Variants in SDHA observed in about 807,000 individuals in gnomAD.
SDHA encodes succinate dehydrogenase [ubiquinone] flavoprotein subunit, mitochondrial.
In SDHA, 48 loss-of-function variants were observed where a neutral mutation model predicts 78.4. The ratio of observed to expected loss-of-function variants is 0.61; its 90% CI spans 0.49 to 0.78. The LOEUF is 0.78. Among genes scored for constraint, SDHA ranks in the 30% least tolerant of loss-of-function variants. The pLI is 0.00. For missense variants in SDHA, 680 were observed against 892.7 expected, an observed-to-expected ratio of 0.76 and a Z score of 3.04; for synonymous variants, 326 against 353.9, an observed-to-expected ratio of 0.92 and a Z score of 0.88.
At chr5:239,384 C>T (rs930015521) in intron 10 of SDHA, among the ~76,000 whole-genome samples, 12 of 151,990 alleles carry the variant, frequency 7.9e-5, no homozygotes, top group African/African-American at 2.9e-4. Flanking sequence ...ATGGTGAAAC[C>T]CATTTCTACT....
chr5:255,375 A>G (rs1479484467), intron 14 of SDHA, among the ~76,000 whole-genome samples: 9 of 151,954 alleles, frequency 5.9e-5, no homozygotes, highest in Admixed American at 5.9e-4. Flanking sequence ...CATGAAGGCC[A>G]TTTCTTGATA....
chr5:230,871 T>C lies in SDHA; in HGVS notation c.771-5T>C. 6.2e-7 allele frequency: 1 copy of C among 1,614,062 alleles called. No homozygotes were observed. The highest frequency in any genetic ancestry group is 8.5e-7 in the Non-Finnish European group (1 of 1,180,000). On this transcript the variant is annotated splice_polypyrimidine_tract_variant and splice_region_variant and intron_variant, in intron 6 of 14. Transcript: ENST00000264932. ...TGTGCAGTCACTGCTCTCTATTGTT[T>C]CCAGAGGCTACGGGCGCACCTACTT...
At chr5:258,477 C>G (rs113287738), downstream of SDHA, among the ~76,000 whole-genome samples, 6 of 125,300 alleles carry the variant, frequency 4.8e-5, 2 homozygotes, top group Non-Finnish European at 7.8e-5. Context: ...CGTGTGAGCT[C>G]CACCCCCTGC....
At chr5:263,943 C>G in the SDHA span, among the ~76,000 whole-genome samples, 1 of 152,176 alleles carries the variant, frequency 6.6e-6, no homozygotes, top group Admixed American at 6.5e-5. Flanking sequence ...AAGTTCTTCA[C>G]TGTGGCATTT....
At chr5:268,413 G>T in the SDHA span, among the ~76,000 whole-genome samples, 1 of 151,934 alleles carries the variant, frequency 6.6e-6, no homozygotes, top group African/African-American at 2.4e-5. Flanking sequence ...TGATCCACCC[G>T]CCTCAGCCTC....
chr5:228,746 A>G (rs1024185759), intron 6 of SDHA, among the ~76,000 whole-genome samples: 2 of 152,258 alleles, frequency 1.3e-5, no homozygotes, highest in African/African-American at 4.8e-5. Flanking sequence ...CTTTAATTTT[A>G]TACACTGTCA....
chr5:253,586 AC>A (rs112846245), intron 13 of SDHA, among the ~76,000 whole-genome samples: 36,467 of 151,558 alleles, frequency 0.24, 6,824 homozygotes, highest in African/African-American at 0.53. Flanking sequence ...TTACAGACAC[AC>A]TGCCACCATG....
chr5:248,335 G>T (rs1176709377), intron 11 of SDHA, among the ~76,000 whole-genome samples: 1 of 152,144 alleles, frequency 6.6e-6, no homozygotes, highest in Non-Finnish European at 1.5e-5. Context: ...ACCCACCTGA[G>T]GTCAGATCAA....
chr5:264,256 G>T, the SDHA span, among the ~76,000 whole-genome samples: 1 of 152,208 alleles, frequency 6.6e-6, no homozygotes, highest in Admixed American at 6.5e-5. Context: ...TTTTAAGATA[G>T]TCCCTAAAAT....
chr5:267,266 G>A, the SDHA span, among the ~76,000 whole-genome samples: 8 of 152,222 alleles, frequency 5.3e-5, no homozygotes, highest in African/African-American at 1.9e-4. Flanking sequence ...CAGGACAGGA[G>A]GGGGTGCCAG....
In SDHA at chr5:224,474, T is replaced by C; in HGVS notation, c.265T>C (p.Cys89Arg). 2 of 1,613,352 alleles carry C rather than the reference T, an allele frequency of 1.2e-6. No individual in the cohort carries two copies. Among genetic ancestry groups the C allele is most frequent in the Non-Finnish European group, 1.7e-6 (2 of 1,179,866 alleles). ...GLSEAGFNTA[C>R]VTKLFPTRSH... Reference sequence around the variant, plus strand: ...TTCTGAGGCAGGGTTTAATACAGCATGTGTTACCAAGCTGTTTCCTACCAG... The same window carrying C: ...TTCTGAGGCAGGGTTTAATACAGCACGTGTTACCAAGCTGTTTCCTACCAG... Residue 89 changes from cysteine (C) to arginine (R), a missense_variant, in exon 3 of 15, where the codon TGT becomes CGT. By Grantham distance (180) the Cys-to-Arg change is radical. Coordinates refer to ENST00000264932, the MANE Select transcript of SDHA (RefSeq NM_004168.4).
At chr5:247,963 A>AG (rs1488961431) in intron 11 of SDHA, among the ~76,000 whole-genome samples, 3 of 151,596 alleles carry the variant, frequency 2.0e-5, no homozygotes, top group Non-Finnish European at 4.4e-5. Context: ...AACAGGGACT[A>AG]CGGGACACCC....
At chr5:231,268 C>A (rs1735381160) in intron 7 of SDHA, among the ~76,000 whole-genome samples, 1 of 152,088 alleles carries the variant, frequency 6.6e-6, no homozygotes, top group Non-Finnish European at 1.5e-5. Context: ...AGCAGTAAAG[C>A]AGGGATTGAG....
In SDHA at chr5:240,357, G is replaced by A; in HGVS notation, c.1433-1G>A. On this transcript the variant is annotated splice_acceptor_variant, in intron 10 of 14. Transcript: ENST00000264932. LOFTEE classifies it high-confidence loss of function. ...TAAATTCTAGCTTTTTTTTGTTTTAGGAGATAAAGTCCCTCCAATTAAACC... is the reference window on the plus strand; with the variant it reads ...TAAATTCTAGCTTTTTTTTGTTTTAAGAGATAAAGTCCCTCCAATTAAACC... 1.9e-6 allele frequency: 3 copies of A among 1,559,202 alleles called. No individual in the cohort carries two copies. The highest frequency in any genetic ancestry group is 2.7e-6 in the Non-Finnish European group (3 of 1,131,728).
rs371304688 is a variant in SDHA, at chr5:251,460, G to C, written c.1786G>C (p.Asp596His). 1.9e-6 allele frequency: 3 copies of C among 1,613,872 alleles called. No homozygotes were observed. Among genetic ancestry groups the C allele is most frequent in the Admixed American group, 1.7e-5 (1 of 60,000 alleles). ...KESRGAHARE[D>H]YKVRIDEYDY... The stretch of plus-strand genomic sequence containing the variant: ...GTCACGGGGCGCGCATGCCAGGGAA[G>C]ACTACAAGGTGGGCCTTCTCACCAC... The change falls in exon 13 of 15, where the codon GAC becomes CAC. Residue 596 changes from aspartate to histidine, a missense_variant. Physicochemically the swap from Asp to His is moderately conservative, Grantham distance 81. Transcript: ENST00000264932.
intron 13 of SDHA, chr5:252,999 G>C (rs1189298265): frequency 6.6e-6 from 1 of 152,242 alleles, no homozygotes; most frequent in African/African-American, 2.4e-5. Flanking sequence ...TTTGGAAAAG[G>C]TATTATAGAG....
downstream of SDHA, among the ~76,000 whole-genome samples, chr5:259,530 T>C (rs1301599155): frequency 2.9e-4 from 7 of 23,874 alleles, no homozygotes; most frequent in Non-Finnish European, 3.8e-4. Flanking sequence ...GAGCTCCGCC[T>C]CCCGCCAGAG....
At chr5:224,720 T>C in intron 3 of SDHA, 199 bp downstream of exon 3, 2 of 615,902 alleles carry the variant, frequency 3.2e-6, no homozygotes, top group Admixed American at 5.5e-5. Flanking sequence ...AGACTTGTTG[T>C]CACTCCTAAT....
chr5:241,261 G>A (rs1344878104), intron 11 of SDHA, among the ~76,000 whole-genome samples: 10 of 152,106 alleles, frequency 6.6e-5, no homozygotes, highest in African/African-American at 1.9e-4. Flanking sequence ...CAGGACCGCT[G>A]GAGAAGCTCA....
Sources: allele counts gnomAD v4.1 joint callset (sites outside exome capture counted in the v4.1 genomes callset), GRCh38; gene constraint gnomAD v4.1.1; transcripts MANE v1.5; gene names NCBI Gene and HGNC (gene_info 2026-07-23, HGNC 2026-07-21).